The following TRPC4AP variants were observed in gnomAD, a reference collection of about 807,000 sequenced individuals.
The protein encoded by TRPC4AP is transient receptor potential cation channel subfamily C member 4 associated protein.
Under a neutral mutation model 99.0 loss-of-function variants are expected in TRPC4AP, and 45 were observed. That is an observed-to-expected ratio of 0.45 (90% CI 0.36 to 0.58). TRPC4AP has a LOEUF of 0.58. Among genes scored for constraint, TRPC4AP ranks in the 20% least tolerant of loss-of-function variants. The probability of loss-of-function intolerance (pLI) is 0.00; values close to 1 mark genes in which losing one functional copy is unlikely to be tolerated. For missense variants in TRPC4AP, 879 were observed against 985.3 expected (o/e 0.89, Z 1.44); for synonymous variants, 408 against 385.8 (o/e 1.06, Z -0.67).
At chr20:35,068,970 C>A (rs1300245140) in intron 3 of TRPC4AP, among the ~76,000 whole-genome samples, 1 of 59,858 alleles carries the variant, frequency 1.7e-5, no homozygotes, top group African/African-American at 1.1e-4. Flanking sequence ...CACACACACA[C>A]ACACACACAA....
intron 6 of TRPC4AP, 76 bp downstream of exon 6, chr20:35,049,790 G>GTA: frequency 6.7e-7 from 1 of 1,482,934 alleles, no homozygotes; most frequent in Non-Finnish European, 9.1e-7. Context: ...AAAAAGCTCT[G>GTA]TATATTATTC....
At chr20:35,032,161 A>ATTACAGGT (rs1262303044) in intron 8 of TRPC4AP, among the ~76,000 whole-genome samples, 1 of 152,182 alleles carries the variant, frequency 6.6e-6, no homozygotes, top group African/African-American at 2.4e-5. Context: ...AAGTGCTGGG[A>ATTACAGGT]TTACAGGTGT....
intron 7 of TRPC4AP, 112 bp from the exon 8 acceptor site, chr20:35,035,420 G>A: frequency 8.9e-7 from 1 of 1,120,878 alleles, no homozygotes; most frequent in Non-Finnish European, 1.2e-6. Context: ...TCTGATAGTA[G>A]CTAAAGCTAC....
intron 14 of TRPC4AP, 115 bp downstream of exon 14, chr20:35,007,435 G>C: frequency 9.2e-7 from 1 of 1,086,160 alleles, no homozygotes; most frequent in African/African-American, 1.6e-5. Flanking sequence ...CAGGCATTTG[G>C]AAGTCACGAG....
chr20:35,087,451 A>C (rs1042687377), intron 1 of TRPC4AP, among the ~76,000 whole-genome samples: 1 of 152,170 alleles, frequency 6.6e-6, no homozygotes, highest in Admixed American at 6.5e-5. Context: ...CATGTGGGAA[A>C]TATAACAGCA....
rs75513290 is a variant in TRPC4AP at position 35,020,979 on chromosome 20, C to T, written c.1218+211G>A. ...AGCACCAACCAAGACTGCCTAGAAACGCTCCATACAGCAAGGCACAGTGAA... is the reference window on the plus strand; with the variant it reads ...AGCACCAACCAAGACTGCCTAGAAATGCTCCATACAGCAAGGCACAGTGAA... On this transcript the variant is annotated intron_variant, in intron 9 of 18. Transcript: ENST00000252015. Among the ~76,000 whole-genome samples the T allele has an allele frequency of 4.0e-3, 615 of 152,322 alleles. 2 individuals carry two copies. The highest frequency in any genetic ancestry group is 0.014 in the African/African-American group (587 of 41,580).
intron 3 of TRPC4AP, among the ~76,000 whole-genome samples, chr20:35,060,582 C>A (rs2083974016): frequency 1.6e-5 from 1 of 62,058 alleles, no homozygotes; most frequent in African/African-American, 7.3e-5. Context: ...GAGACCTTGT[C>A]TCCAAAAAAA....
intron 8 of TRPC4AP, among the ~76,000 whole-genome samples, chr20:35,023,186 A>G (rs1045059626): frequency 6.6e-6 from 1 of 152,164 alleles, no homozygotes; most frequent in Non-Finnish European, 1.5e-5. Flanking sequence ...CTGACCCTGA[A>G]GCCAGACTAC....
intron 1 of TRPC4AP, among the ~76,000 whole-genome samples, chr20:35,085,034 A>G (rs1452451756): frequency 6.6e-6 from 1 of 152,088 alleles, no homozygotes; most frequent in Non-Finnish European, 1.5e-5. Context: ...AAGAAAATAG[A>G]TAGTATCTAA....
At chr20:35,054,055 T>A (rs2083765960) in intron 5 of TRPC4AP, among the ~76,000 whole-genome samples, 1 of 152,258 alleles carries the variant, frequency 6.6e-6, no homozygotes, top group Non-Finnish European at 1.5e-5. Context: ...TTCCTGGCTA[T>A]ACGTTATGTC....
Position 35,021,395 on chromosome 20 carries a change from G to T in TRPC4AP, c.1052-39C>A, listed in dbSNP as rs751421513. 12 of 1,603,158 alleles carry T rather than the reference G, an allele frequency of 7.5e-6. No individual in the cohort carries two copies. In the African/African-American group the frequency reaches 1.3e-4, roughly 18 times the overall value. On this transcript the variant is annotated intron_variant, in intron 8 of 18. Coordinates refer to ENST00000252015, the MANE Select transcript of TRPC4AP (RefSeq NM_015638.3). ...CGGAGACAGGATTGAGTCACAGCTT[G>T]TGAGGAAACACGTTTCTGCCCCTCG...
In TRPC4AP at chr20:35,003,549, G is replaced by T. The variant is rs1257355103; in HGVS notation, c.2117C>A (p.Pro706His). 6.2e-7 allele frequency: 1 copy of T among 1,613,868 alleles called. No homozygotes were observed. The highest frequency in any genetic ancestry group is 8.5e-7 in the Non-Finnish European group (1 of 1,179,982). ...CCGCTGCAGCAGCCGCAGGTACAGG[G>T]GCAGCCGCTCTTTCCGTCGGGCCAG... is the stretch of plus-strand genomic sequence containing the variant. Reference protein sequence around the residue: ...LMLARRKERLPLYLRLLQRME... With the variant: ...LMLARRKERLHLYLRLLQRME... Residue 706 changes from proline to histidine, a missense_variant, in exon 18 of 19, where the codon CCC becomes CAC. By Grantham distance (77) the Pro-to-His change is moderately conservative (BLOSUM62 -2). This residue lies in a region of TRPC4AP where 224 missense variants were observed against 264.7 expected (regional missense o/e 0.85). Transcript: ENST00000252015.
chr20:35,058,687 C>CTTT lies in TRPC4AP; in HGVS notation c.415-1119_415-1117dup, dbSNP rs71196781. Reference sequence around the variant, plus strand: ...TAAATGCCTATATTAAAAGAAAATTCTTTTTTTTTTTTTTTTTTTTGAGAC... The same window carrying CTTT: ...TAAATGCCTATATTAAAAGAAAATTCTTTTTTTTTTTTTTTTTTTTTTTGAGAC... On this transcript the variant is annotated intron_variant, in intron 3 of 18. Coordinates refer to ENST00000252015, the MANE Select transcript of TRPC4AP (RefSeq NM_015638.3). Among the ~76,000 whole-genome samples, 444 of 110,314 alleles carry CTTT rather than the reference C, an allele frequency of 4.0e-3. 11 individuals are homozygous for CTTT. The highest frequency in any genetic ancestry group is 8.9e-3 in the African/African-American group (251 of 28,236). The allele number at this position is 110,314 out of a possible 152,430, so 72.4% of individuals were successfully genotyped here.
In TRPC4AP at chr20:35,007,634, C is replaced by A; in HGVS notation, c.1602G>T (p.Trp534Cys). ...KEPAESSFRF[W>C]QARAVESFLR... The stretch of plus-strand genomic sequence containing the variant: ...GGAAACTCTCCACAGCCCGAGCTTG[C>A]CAAAACCTGCGACCCAAATACTGGC... Residue 534 changes from tryptophan (W) to cysteine (C), a missense_variant, in exon 14 of 19, where the codon TGG (tryptophan) becomes TGT (cysteine). By Grantham distance (215) the Trp-to-Cys change is radical (BLOSUM62 -2). Transcript: ENST00000252015. The A allele has an allele frequency of 6.2e-7, 1 of 1,614,194 alleles. No homozygotes were observed. Among genetic ancestry groups the A allele is most frequent in the Non-Finnish European group, 8.5e-7 (1 of 1,180,026 alleles).
At chr20:35,082,792 GAAT>G (rs1157944639) in intron 1 of TRPC4AP, among the ~76,000 whole-genome samples, 2 of 152,120 alleles carry the variant, frequency 1.3e-5, no homozygotes, top group Non-Finnish European at 2.9e-5. Flanking sequence ...ACATAAAGGA[GAAT>G]AATGATATGA....
At chr20:35,087,591 G>A (rs1569159326) in intron 1 of TRPC4AP, among the ~76,000 whole-genome samples, 1 of 152,018 alleles carries the variant, frequency 6.6e-6, no homozygotes, top group Non-Finnish European at 1.5e-5. Flanking sequence ...CCTTCAACTC[G>A]TACTGATCAT....
At chr20:35,005,208 CGTGACAAGGAACAA>C (rs2147261688) in intron 16 of TRPC4AP, among the ~76,000 whole-genome samples, 1 of 152,260 alleles carries the variant, frequency 6.6e-6, no homozygotes, top group African/African-American at 2.4e-5. Context: ...TGACAGTGAC[CGTGACAAGGAACAA>C]GTGCCTGACT....
At chr20:35,026,628 T>C (rs985281789) in intron 8 of TRPC4AP, among the ~76,000 whole-genome samples, 2 of 152,194 alleles carry the variant, frequency 1.3e-5, no homozygotes, top group Non-Finnish European at 2.9e-5. Flanking sequence ...AGAAATTGTG[T>C]TGAATCTGTA....
intron 7 of TRPC4AP, among the ~76,000 whole-genome samples, chr20:35,036,131 T>C (rs1293443417): frequency 6.6e-6 from 1 of 152,218 alleles, no homozygotes; most frequent in Non-Finnish European, 1.5e-5. Context: ...GAAATTCTGA[T>C]CGGCATATTA....
Sources: gnomAD v4.1 joint callset for allele counts (sites outside exome capture counted in the v4.1 genomes callset) on GRCh38, gnomAD v4.1.1 for gene constraint, gnomAD v4.1.1 regional missense constraint, MANE v1.5 for transcripts, NCBI Gene and HGNC (gene_info 2026-07-23, HGNC 2026-07-21) for gene names.